The following SCG2 variants were observed in gnomAD, a reference collection of about 807,000 sequenced individuals.
The protein encoded by SCG2 is secretogranin II, also known as secretogranin-2.
In SCG2, 23 loss-of-function variants were observed where a neutral mutation model predicts 49.5. The observed-to-expected ratio is 0.46, with a 90% CI of 0.33 to 0.66. The LOEUF (loss-of-function observed/expected upper bound fraction) is 0.66, where lower values mean the gene tolerates loss of function less well. SCG2 is among the 30% of genes least tolerant of loss of function. The probability of loss-of-function intolerance (pLI) is 0.01; values close to 1 mark genes in which losing one functional copy is unlikely to be tolerated. For missense variants in SCG2, 730 were observed against 728.2 expected (o/e 1.00, Z -0.03); for synonymous variants, 288 against 260.4 (o/e 1.11, Z -1.02).
Position 223,597,650 on chromosome 2 carries a change from G to C in SCG2, c.1633C>G (p.Gln545Glu). 1 of 1,614,072 alleles carries C rather than the reference G, an allele frequency of 6.2e-7. No homozygotes were observed. Among genetic ancestry groups the C allele is most frequent in the Non-Finnish European group, 8.5e-7 (1 of 1,180,006 alleles). ...DDLQEEEQIE[Q>E]AIKEHLNQGS... ...TGATTCAAATGCTCTTTGATGGCCTGCTCAATTTGTTCCTCTTCCTGCAGG... is the reference window on the plus strand; with the variant it reads ...TGATTCAAATGCTCTTTGATGGCCTCCTCAATTTGTTCCTCTTCCTGCAGG... The change falls in exon 2 of 2, where the codon CAG becomes GAG. Residue 545 changes from glutamine to glutamate, a missense_variant. Coordinates refer to ENST00000305409, the MANE Select transcript of SCG2 (RefSeq NM_003469.5).
Position 223,597,540 on chromosome 2 carries a change from A to G in SCG2, c.1743T>C (p.Asn581=). 3 of 1,614,010 alleles carry G rather than the reference A, an allele frequency of 1.9e-6. No individual in the cohort carries two copies. The highest frequency in any genetic ancestry group is 2.5e-6 in the Non-Finnish European group (3 of 1,179,998). Residue 581 remains asparagine (N), a synonymous_variant, in exon 2 of 2, where the codon AAT becomes AAC. Coordinates refer to ENST00000305409, the MANE Select transcript of SCG2 (RefSeq NM_003469.5). ...VGPPKNDDTP[N]RQYWDEDLLM... ...ACAGATCTTCATCCCAGTACTGCCT[A>G]TTTGGGGTATCATCATTCTTCGGGG...
intron 1 of SCG2, among the ~76,000 whole-genome samples, chr2:223,601,626 C>T (rs1017448): frequency 0.1 from 15,190 of 152,144 alleles, 1,932 homozygotes; most frequent in African/African-American, 0.29. Context: ...AGCCAAATTA[C>T]AACCCAAGAT....
intron 1 of SCG2, 71 bp from the exon 2 acceptor site, chr2:223,599,367 G>T: frequency 2.4e-6 from 3 of 1,274,008 alleles, no homozygotes; most frequent in South Asian, 3.8e-5. Flanking sequence ...AGAAATAATT[G>T]ATCATTGAGG....
Position 223,597,919 on chromosome 2 carries a change from T to C in SCG2, c.1364A>G (p.Asn455Ser), listed in dbSNP as rs751183176. 1.3e-5 allele frequency: 21 copies of C among 1,613,974 alleles called. No individual in the cohort carries two copies. The South Asian group carries it at 2.2e-4, about 17-fold the overall frequency. Residue 455 changes from asparagine (N) to serine (S), a missense_variant, in exon 2 of 2, where the codon AAT (asparagine) becomes AGT (serine). Asn to Ser is a conservative substitution (Grantham distance 46). Coordinates refer to ENST00000305409, the MANE Select transcript of SCG2 (RefSeq NM_003469.5). ...CAGAACTTTCTCCTGGTTATATGGATTGGGAAAATACGACGTTTTCTGATT... is the reference window on the plus strand; with the variant it reads ...CAGAACTTTCTCCTGGTTATATGGACTGGGAAAATACGACGTTTTCTGATT... ...AANQKTSYFP[N>S]PYNQEKVLPR... is the part of the protein sequence containing the mutation.
Position 223,597,337 on chromosome 2 carries a change from T to G in SCG2, c.*92A>C. 6.9e-7 allele frequency: 1 copy of G among 1,456,494 alleles called. No individual in the cohort carries two copies. Among genetic ancestry groups the G allele is most frequent in the East Asian group, 2.3e-5 (1 of 43,754 alleles). The allele number at this position is 1,456,494 out of a possible 1,614,324, so 90.2% of individuals were successfully genotyped here. A position where few individuals can be genotyped will look rare whatever the true frequency, so the allele number is the denominator to read the frequency against. ...TGTACATCATTTAAAGATATTACAG[T>G]GTTAACAGGATAGAAGTCAACACAC... On this transcript the variant is annotated 3_prime_UTR_variant, in exon 2 of 2. Transcript: ENST00000305409.
At position 223,597,229 on chromosome 2, in the gene SCG2, C is replaced by G. The variant is rs1691309380; in HGVS notation, c.*200G>C. On this transcript the variant is annotated 3_prime_UTR_variant, in exon 2 of 2. Coordinates refer to ENST00000305409, the MANE Select transcript of SCG2 (RefSeq NM_003469.5). ...CATAATAAATTTTTTATCAAGGAGT[C>G]ATAACATTTACACATATCCATACAC... 2.0e-6 allele frequency: 1 copy of G among 503,110 alleles called. No individual in the cohort carries two copies. Among genetic ancestry groups the G allele is most frequent in the South Asian group, 6.3e-5 (1 of 15,790 alleles). 31.2% of individuals were successfully genotyped at this position (503,110 alleles called of 1,614,324 possible). A position where few individuals can be genotyped will look rare whatever the true frequency, so the allele number is the denominator to read the frequency against.
At position 223,602,331 on chromosome 2, in the gene SCG2, C is replaced by T. The variant is rs909442197; in HGVS notation, c.-61G>A. On this transcript the variant is annotated 5_prime_UTR_variant, in exon 1 of 2. Coordinates refer to ENST00000305409, the MANE Select transcript of SCG2 (RefSeq NM_003469.5). ...AGGAGCTCCACAGCATATTCCTCCC[C>T]GTTCTCCGGGCGAGCTTCTCGGGCC... 1.3e-5 allele frequency: 2 copies of T among 152,026 alleles called. No individual in the cohort carries two copies. Among genetic ancestry groups the T allele is most frequent in the Non-Finnish European group, 2.9e-5 (2 of 68,002 alleles). 9.4% of individuals were successfully genotyped at this position (152,026 alleles called of 1,614,324 possible).
chr2:223,597,576 G>C lies in SCG2; in HGVS notation c.1707C>G (p.Phe569Leu). 1 of 1,614,114 alleles carries C rather than the reference G, an allele frequency of 6.2e-7. No homozygotes were observed. The highest frequency in any genetic ancestry group is 8.5e-7 in the Non-Finnish European group (1 of 1,180,022). Reference sequence around the variant, plus strand: ...CATCATTCTTCGGGGGCCCCACAGGGAACCTTTTGCTCACCGGGGCCAGCT... The same window carrying C: ...CATCATTCTTCGGGGGCCCCACAGGCAACCTTTTGCTCACCGGGGCCAGCT... ...TDKLAPVSKR[F>L]PVGPPKNDDT... Residue 569 changes from phenylalanine to leucine, a missense_variant, in exon 2 of 2, where the codon TTC (phenylalanine) becomes TTG (leucine). Transcript: ENST00000305409.
chr2:223,598,625 C>T lies in SCG2; in HGVS notation c.658G>A (p.Asp220Asn). 6.2e-7 allele frequency: 1 copy of T among 1,614,112 alleles called. No individual in the cohort carries two copies. Among genetic ancestry groups the T allele is most frequent in the Non-Finnish European group, 8.5e-7 (1 of 1,180,044 alleles). Residue 220 changes from aspartate to asparagine, a missense_variant, in exon 2 of 2, where the codon GAT (aspartate) becomes AAT (asparagine). Transcript: ENST00000305409. Reference sequence around the variant, plus strand: ...TCCGTATAAAGTTTTTGCTCCTCATCCATCCTCTCACGTTTCTGGTTGTTT... The same window carrying T: ...TCCGTATAAAGTTTTTGCTCCTCATTCATCCTCTCACGTTTCTGGTTGTTT... Reference protein sequence around the residue: ...GPNNQKRERMDEEQKLYTDDE... With the variant: ...GPNNQKRERMNEEQKLYTDDE...
At chr2:223,599,408 C>G in intron 1 of SCG2, 112 bp from the exon 2 acceptor site, 1 of 864,780 alleles carries the variant, frequency 1.2e-6, no homozygotes, top group Non-Finnish European at 1.7e-6. Context: ...TATTATTTCA[C>G]ATTAAGCTTA....
Position 223,598,407 on chromosome 2 carries a change from T to C in SCG2, c.876A>G (p.Glu292=), listed in dbSNP as rs1574633150. Reference sequence around the variant, plus strand: ...CTTTACTCTCTTTCCGAAGATCTTCTTCCTGGATGCCAAGCTGCCCTGAGC... The same window carrying C: ...CTTTACTCTCTTTCCGAAGATCTTCCTCCTGGATGCCAAGCTGCCCTGAGC... ...MKRSGQLGIQ[E]EDLRKESKDQ... The change falls in exon 2 of 2, where the codon GAA becomes GAG. Residue 292 remains glutamate (E), a synonymous_variant. Transcript: ENST00000305409. 1 of 1,614,106 alleles carries C rather than the reference T, an allele frequency of 6.2e-7. No individual in the cohort carries two copies.
rs1239354080 is a variant in SCG2 at position 223,598,908 on chromosome 2, A to G, written c.375T>C (p.Pro125=). ...GCTTATTTTCTTTTGGTGCAGACTG[A>G]GGCTCATTTTCAGCCTGTCTCAAAG... ...LEALRQAENE[P]QSAPKENKPY... Residue 125 remains proline, a synonymous_variant, in exon 2 of 2, where the codon CCT becomes CCC. Transcript: ENST00000305409. 1.5e-5 allele frequency: 24 copies of G among 1,614,144 alleles called. No individual in the cohort carries two copies. The East Asian group carries it at 5.3e-4, about 36-fold the overall frequency.
chr2:223,598,651 G>A lies in SCG2; in HGVS notation c.632C>T (p.Pro211Leu), dbSNP rs201824633. The A allele has an allele frequency of 6.2e-7, 1 of 1,613,998 alleles. No homozygotes were observed. The highest frequency in any genetic ancestry group is 1.3e-5 in the African/African-American group (1 of 74,994). Residue 211 changes from proline to leucine, a missense_variant, in exon 2 of 2, where the codon CCA becomes CTA. Transcript: ENST00000305409. ...CATCCTCTCACGTTTCTGGTTGTTT[G>A]GTCCTGTCAGTTTCCCCAGCTCTTG... ...VFQELGKLTGPNNQKRERMDE... is the reference protein window; with the variant it reads ...VFQELGKLTGLNNQKRERMDE...
At chr2:223,601,875 A>C (rs1355200817) in intron 1 of SCG2, among the ~76,000 whole-genome samples, 3 of 152,334 alleles carry the variant, frequency 2.0e-5, no homozygotes, top group Admixed American at 2.0e-4. Flanking sequence ...TATCATTGGA[A>C]ACCTACTGTT....
rs201671916 is a variant in SCG2, at chr2:223,597,558, C to G, written c.1725G>C (p.Lys575Asn). The G allele has an allele frequency of 8.1e-6, 13 of 1,614,016 alleles. No individual in the cohort carries two copies. Among genetic ancestry groups the G allele is most frequent in the Non-Finnish European group, 1.1e-5 (13 of 1,180,032 alleles). Reference sequence around the variant, plus strand: ...ACTGCCTATTTGGGGTATCATCATTCTTCGGGGGCCCCACAGGGAACCTTT... The same window carrying G: ...ACTGCCTATTTGGGGTATCATCATTGTTCGGGGGCCCCACAGGGAACCTTT... ...VSKRFPVGPP[K>N]NDDTPNRQYW... The change falls in exon 2 of 2, where the codon AAG becomes AAC. Residue 575 changes from lysine (K) to asparagine (N), a missense_variant. Coordinates refer to ENST00000305409, the MANE Select transcript of SCG2 (RefSeq NM_003469.5).
rs1249747406 is a variant in SCG2, at chr2:223,599,087, G to T, written c.196C>A (p.Arg66=). ...IRALEYIENL[R]QQAHKEESSP... ...CTTTCTTCCTTATGAGCTTGTTGTC[G>T]GAGGTTTTCTATGTACTCCAAAGCC... Residue 66 remains arginine, a synonymous_variant, in exon 2 of 2, where the codon CGA becomes AGA. Coordinates refer to ENST00000305409, the MANE Select transcript of SCG2 (RefSeq NM_003469.5). 6.2e-7 allele frequency: 1 copy of T among 1,614,116 alleles called. No homozygotes were observed. The highest frequency in any genetic ancestry group is 8.5e-7 in the Non-Finnish European group (1 of 1,180,010).
At chr2:223,601,714 G>T (rs1301168132) in intron 1 of SCG2, among the ~76,000 whole-genome samples, 2 of 152,150 alleles carry the variant, frequency 1.3e-5, no homozygotes, top group Admixed American at 1.3e-4. Context: ...AAAATTAGGA[G>T]ATAATAATGT....
intron 1 of SCG2, among the ~76,000 whole-genome samples, chr2:223,600,101 A>C (rs1467297643): frequency 1.3e-5 from 2 of 152,200 alleles, no homozygotes; most frequent in African/African-American, 4.8e-5. Flanking sequence ...CTAATAATTT[A>C]TATTATGACT....
At chr2:223,600,478 T>C (rs1691373462) in intron 1 of SCG2, among the ~76,000 whole-genome samples, 3 of 152,184 alleles carry the variant, frequency 2.0e-5, no homozygotes, top group Admixed American at 2.0e-4. Flanking sequence ...ACATTTAATA[T>C]TGCTAACATT....
Sources: allele counts gnomAD v4.1 joint callset (sites outside exome capture counted in the v4.1 genomes callset), GRCh38; gene constraint gnomAD v4.1.1; transcripts MANE v1.5; gene names NCBI Gene and HGNC (gene_info 2026-07-23, HGNC 2026-07-21).